Variants in SV2C observed in about 807,000 individuals in gnomAD.
The protein encoded by SV2C is synaptic vesicle glycoprotein 2C, also known as solute carrier family 22 member B3.
In SV2C, 49 loss-of-function variants were observed where a neutral mutation model predicts 79.7. The ratio of observed to expected loss-of-function variants is 0.61; its 90% CI spans 0.49 to 0.78. The LOEUF is 0.78. Ranked by LOEUF, SV2C falls within the 30% of genes least tolerant of loss-of-function variation. The pLI is 0.00. For synonymous variants in SV2C, 334 were observed against 333.2 expected (o/e 1.00, Z -0.03); for missense variants, 833 against 912.9 (o/e 0.91, Z 1.13).
At chr5:76,242,300 GC>G in intron 4 of SV2C, 1 of 1,457,252 alleles carries the variant, frequency 6.9e-7, no homozygotes, top group Non-Finnish European at 9.5e-7. Flanking sequence ...GGGCATGGTG[GC>G]GGCAGCGACG....
At position 76,275,486 on chromosome 5, in the gene SV2C, C is replaced by CAA. The variant is rs113061927; in HGVS notation, c.914-9663_914-9662dup. ...TGGGCAACAGAGCGAAAGTCTGTCT[C>CAA]AAAAAAAAAAAAAACGAACACAAAC... is the stretch of plus-strand genomic sequence containing the variant. On this transcript the variant is annotated intron_variant, in intron 4 of 12. Transcript: ENST00000502798. Among the ~76,000 whole-genome samples, 306 of 118,082 alleles carry CAA rather than the reference C, an allele frequency of 2.6e-3. 2 individuals are homozygous for CAA. Among genetic ancestry groups the CAA allele is most frequent in the South Asian group, 0.013 (42 of 3,218 alleles). 77.5% of individuals were successfully genotyped at this position (118,082 alleles called of 152,430 possible).
chr5:76,287,391 A>G (rs1245218263), intron 6 of SV2C, among the ~76,000 whole-genome samples: 1 of 152,236 alleles, frequency 6.6e-6, no homozygotes, highest in Non-Finnish European at 1.5e-5. Flanking sequence ...TATAGTTCCA[A>G]AAATATATAT....
At chr5:75,892,988 A>G in the SV2C span, among the ~76,000 whole-genome samples, 2 of 152,070 alleles carry the variant, frequency 1.3e-5, no homozygotes, top group African/African-American at 2.4e-5. Flanking sequence ...TAGTTCTTTG[A>G]TAAATCTCCA....
intron 1 of SV2C, among the ~76,000 whole-genome samples, 158 bp from the exon 2 acceptor site, chr5:76,131,492 G>A: frequency 6.9e-6 from 1 of 145,712 alleles, no homozygotes. Context: ...AGCCTAGGGT[G>A]TACATGTATA....
the SV2C span, among the ~76,000 whole-genome samples, chr5:75,872,086 A>G: frequency 7.0e-6 from 1 of 143,250 alleles, no homozygotes; most frequent in Non-Finnish European, 1.5e-5. Flanking sequence ...TATATATGAT[A>G]ATATATATGA....
the SV2C span, among the ~76,000 whole-genome samples, chr5:75,867,962 G>T: frequency 1.3e-5 from 2 of 152,226 alleles, no homozygotes; most frequent in Admixed American, 1.3e-4. Context: ...GGGGTGCATA[G>T]TCTGTTGGGA....
chr5:75,895,005 T>C, the SV2C span, among the ~76,000 whole-genome samples: 1 of 152,112 alleles, frequency 6.6e-6, no homozygotes, highest in African/African-American at 2.4e-5. Context: ...GACTTATTGA[T>C]TTCATACATT....
chr5:76,017,094 G>A, the SV2C span, among the ~76,000 whole-genome samples: 1 of 152,024 alleles, frequency 6.6e-6, no homozygotes, highest in Non-Finnish European at 1.5e-5. Flanking sequence ...CATGACATTT[G>A]CCCTGGGCAA....
chr5:76,187,855 C>T (rs1158609017), intron 2 of SV2C, among the ~76,000 whole-genome samples: 2 of 151,884 alleles, frequency 1.3e-5, no homozygotes, highest in Admixed American at 1.3e-4. Flanking sequence ...GAAAAGTTGT[C>T]ATTCCACTTT....
At chr5:75,967,987 A>T in the SV2C span, among the ~76,000 whole-genome samples, 1 of 152,180 alleles carries the variant, frequency 6.6e-6, no homozygotes, top group South Asian at 2.1e-4. Flanking sequence ...CAGAGGAATG[A>T]TAAGGCAGCA....
intron 2 of SV2C, among the ~76,000 whole-genome samples, chr5:76,171,726 CG>C (rs1344999115): frequency 7.3e-6 from 1 of 136,062 alleles, no homozygotes; most frequent in Non-Finnish European, 1.6e-5. Flanking sequence ...GTCAGCCCCC[CG>C]CCTGGCCAGC....
intron 11 of SV2C, among the ~76,000 whole-genome samples, 184 bp from the exon 12 acceptor site, chr5:76,301,202 T>G (rs1747986092): frequency 6.6e-6 from 1 of 152,240 alleles, no homozygotes; most frequent in Non-Finnish European, 1.5e-5. Context: ...TTTCATACTT[T>G]CTGTGTTCAG....
intron 1 of SV2C, among the ~76,000 whole-genome samples, chr5:76,096,047 G>A (rs528565247): frequency 6.6e-6 from 1 of 152,250 alleles, no homozygotes; most frequent in South Asian, 2.1e-4. Context: ...AATCTGTCAG[G>A]ATACAGAAGC....
intron 4 of SV2C, chr5:76,242,368 C>T: frequency 9.1e-7 from 1 of 1,094,728 alleles, no homozygotes; most frequent in Admixed American, 1.9e-5. Flanking sequence ...TTTGGTCGGA[C>T]CGGGGGTCGT....
chr5:76,295,989 T>A, intron 9 of SV2C, 47 bp downstream of exon 9: 1 of 1,507,390 alleles, frequency 6.6e-7, no homozygotes. Flanking sequence ...TCACAAAAAC[T>A]TATTTCTTCT....
At chr5:75,853,367 T>C in the SV2C span, among the ~76,000 whole-genome samples, 1 of 151,496 alleles carries the variant, frequency 6.6e-6, no homozygotes, top group African/African-American at 2.4e-5. Context: ...CCATCCTGGC[T>C]AACACGGTGA....
rs1749211789 is a variant in SV2C at position 76,332,411 on chromosome 5, T to G, written c.*6864T>G. 6.6e-6 allele frequency: 1 copy of G among 152,196 alleles called. No individual in the cohort carries two copies. Among genetic ancestry groups the G allele is most frequent in the African/African-American group, 2.4e-5 (1 of 41,440 alleles). 9.4% of individuals were successfully genotyped at this position (152,196 alleles called of 1,614,324 possible). A position where few individuals can be genotyped will look rare whatever the true frequency, so the allele number is the denominator to read the frequency against. ...TTTGAACCGGTTCATCCGAACTGAT[T>G]GTTAAACTTTCAGAACTTTTGAGAG... On this transcript the variant is annotated 3_prime_UTR_variant, in exon 13 of 13. Coordinates refer to ENST00000502798, the MANE Select transcript of SV2C (RefSeq NM_014979.4).
the SV2C span, among the ~76,000 whole-genome samples, chr5:75,881,778 A>G: frequency 9.5e-3 from 1,433 of 151,058 alleles, 28 homozygotes; most frequent in African/African-American, 0.031. Context: ...TCCTAATTGA[A>G]TAGCCTTTAT....
At chr5:76,304,453 C>T (rs1652404583) in intron 12 of SV2C, among the ~76,000 whole-genome samples, 1 of 152,228 alleles carries the variant, frequency 6.6e-6, no homozygotes, top group African/African-American at 2.4e-5. Context: ...AGCTTCATCT[C>T]CCCATGGAGG....
Sources: allele counts gnomAD v4.1 joint callset (sites outside exome capture counted in the v4.1 genomes callset), GRCh38; gene constraint gnomAD v4.1.1; transcripts MANE v1.5; gene names NCBI Gene and HGNC (gene_info 2026-07-23, HGNC 2026-07-21).